The following NTRK2 variants were observed in gnomAD, a reference collection of about 807,000 sequenced individuals.
NTRK2 encodes the protein neurotrophic receptor tyrosine kinase 2.
In NTRK2, 13 loss-of-function variants were observed where a neutral mutation model predicts 94.5. The observed-to-expected ratio is 0.14, with a 90% CI of 0.09 to 0.22. The LOEUF (loss-of-function observed/expected upper bound fraction) is 0.22, where lower values mean the gene tolerates loss of function less well. NTRK2 is among the 10% of genes least tolerant of loss of function. NTRK2 has a pLI of 1.00. For missense variants in NTRK2, 639 were observed against 1,071.2 expected (o/e 0.60, Z 5.63); for synonymous variants, 372 against 407.4 (o/e 0.91, Z 1.05).
At chr9:84,915,744 A>G (rs1385536670) in intron 14 of NTRK2, among the ~76,000 whole-genome samples, 2 of 152,318 alleles carry the variant, frequency 1.3e-5, no homozygotes, top group East Asian at 3.9e-4. Flanking sequence ...CCATCTTCCC[A>G]GAAGCAGAAG....
chr9:84,938,580 C>T (rs1780089382), intron 15 of NTRK2, among the ~76,000 whole-genome samples: 1 of 152,106 alleles, frequency 6.6e-6, no homozygotes, highest in African/African-American at 2.4e-5. Flanking sequence ...TAATGAATGG[C>T]ATTGAATGTC....
chr9:84,815,593 A>G, intron 12 of NTRK2: 5 of 1,007,870 alleles, frequency 5.0e-6, no homozygotes, highest in Non-Finnish European at 6.0e-6. Flanking sequence ...ATAATGGATA[A>G]TCATTTTAAA....
chr9:84,908,282 G>A (rs1484896153), intron 14 of NTRK2, among the ~76,000 whole-genome samples: 1 of 152,206 alleles, frequency 6.6e-6, no homozygotes, highest in Non-Finnish European at 1.5e-5. Flanking sequence ...TGAAGCACTT[G>A]GAAGCATACC....
At chr9:84,873,419 C>T (rs2075945353) in intron 14 of NTRK2, 9 of 1,058,446 alleles carry the variant, frequency 8.5e-6, no homozygotes, top group African/African-American at 6.6e-5. Context: ...ACTGGGTTGA[C>T]GACTCATCTC....
intron 15 of NTRK2, among the ~76,000 whole-genome samples, chr9:84,940,653 A>G (rs931604930): frequency 4.1e-4 from 63 of 152,148 alleles, no homozygotes; most frequent in African/African-American, 1.5e-3. Flanking sequence ...AGAAGCAACC[A>G]GAGCCACTTG....
In NTRK2 at chr9:84,714,987, A is replaced by G. The variant is rs959814013; in HGVS notation, c.583+4196A>G. Reference sequence around the variant, plus strand: ...GAAAAAGAAGAGCTGCTGAGATTTTATTTGTTTGTAAGATGAGTTTTCTTT... The same window carrying G: ...GAAAAAGAAGAGCTGCTGAGATTTTGTTTGTTTGTAAGATGAGTTTTCTTT... On this transcript the variant is annotated intron_variant, in intron 6 of 18. Transcript: ENST00000277120. 2.0e-4 allele frequency among the ~76,000 whole-genome samples: 31 copies of G among 152,260 alleles called. 1 individual carries two copies. The highest frequency in any genetic ancestry group is 2.1e-4 in the South Asian group (1 of 4,824).
intron 12 of NTRK2, among the ~76,000 whole-genome samples, chr9:84,818,127 T>C (rs925253104): frequency 1.1e-4 from 16 of 152,266 alleles, no homozygotes; most frequent in Admixed American, 6.5e-5. Context: ...CCAAAGCTAA[T>C]ATTGCCTGTA....
chr9:84,810,693 T>C (rs899175228), intron 12 of NTRK2: 7 of 1,586,524 alleles, frequency 4.4e-6, no homozygotes, highest in Middle Eastern at 1.7e-4. Context: ...GCTGCTTATC[T>C]GGGGTTTTCT....
chr9:84,848,745 C>G (rs535713555), intron 12 of NTRK2, among the ~76,000 whole-genome samples: 67 of 152,022 alleles, frequency 4.4e-4, no homozygotes, highest in African/African-American at 1.5e-3. Context: ...TCTTTGAGCA[C>G]GAAAAAAATC....
At chr9:84,811,904 T>A in intron 12 of NTRK2, 1 of 1,053,876 alleles carries the variant, frequency 9.5e-7, no homozygotes, top group Non-Finnish European at 1.1e-6. Flanking sequence ...GGTTTGGCTA[T>A]CCCCACCCCA....
chr9:84,825,198 C>T (rs1455541273), intron 12 of NTRK2, among the ~76,000 whole-genome samples: 1 of 152,060 alleles, frequency 6.6e-6, no homozygotes, highest in Non-Finnish European at 1.5e-5. Context: ...TGTGTACCCC[C>T]ACCCTGTCTA....
At chr9:84,981,858 G>A (rs761166057) in intron 17 of NTRK2, among the ~76,000 whole-genome samples, 1 of 152,216 alleles carries the variant, frequency 6.6e-6, no homozygotes, top group African/African-American at 2.4e-5. Context: ...AGTCTATGCA[G>A]ACAAATAGTT....
intron 12 of NTRK2, among the ~76,000 whole-genome samples, chr9:84,775,122 G>T (rs948784923): frequency 1.3e-5 from 2 of 152,190 alleles, no homozygotes; most frequent in Admixed American, 1.3e-4. Flanking sequence ...CTTAAATAAT[G>T]GTCCATGAGG....
chr9:84,925,044 G>C (rs1156465183), intron 14 of NTRK2, among the ~76,000 whole-genome samples: 1 of 152,110 alleles, frequency 6.6e-6, no homozygotes, highest in African/African-American at 2.4e-5. Context: ...CGGTGCCCCA[G>C]TGCTATGAGG....
At chr9:84,707,054 C>T (rs1006791052) in intron 4 of NTRK2, among the ~76,000 whole-genome samples, 1 of 152,196 alleles carries the variant, frequency 6.6e-6, no homozygotes, top group African/African-American at 2.4e-5. Context: ...CAGAGTGAGT[C>T]GGCTGCCAGG....
intron 14 of NTRK2, among the ~76,000 whole-genome samples, chr9:84,911,300 T>C (rs889505969): frequency 6.6e-6 from 1 of 152,178 alleles, no homozygotes; most frequent in African/African-American, 2.4e-5. Context: ...GTTTTATAAA[T>C]AAATGTATAA....
intron 16 of NTRK2, among the ~76,000 whole-genome samples, chr9:84,952,348 C>A (rs757644533): frequency 6.6e-6 from 1 of 152,144 alleles, no homozygotes; most frequent in Non-Finnish European, 1.5e-5. Context: ...GGTGCAGTGC[C>A]GGCTGTAACC....
intron 9 of NTRK2, among the ~76,000 whole-genome samples, chr9:84,737,213 G>T (rs2063322641): frequency 6.6e-6 from 1 of 152,040 alleles, no homozygotes; most frequent in African/African-American, 2.4e-5. Flanking sequence ...TTTTTATCTT[G>T]TTAGCAGAAT....
At chr9:84,881,181 G>A (rs534153309) in intron 14 of NTRK2, among the ~76,000 whole-genome samples, 5 of 152,248 alleles carry the variant, frequency 3.3e-5, no homozygotes, top group Admixed American at 1.3e-4. Flanking sequence ...CATGAATCTC[G>A]AAATATTTGC....
Sources: gnomAD v4.1 joint callset for allele counts (sites outside exome capture counted in the v4.1 genomes callset) on GRCh38, gnomAD v4.1.1 for gene constraint, MANE v1.5 for transcripts, NCBI Gene and HGNC (gene_info 2026-07-23, HGNC 2026-07-21) for gene names.